The following PLXNA4 variants were observed in gnomAD, a reference collection of about 807,000 sequenced individuals.
PLXNA4 encodes the protein plexin A4.
PLXNA4 carries 44 observed loss-of-function variants against 191.8 expected under a neutral mutation model. The ratio of observed to expected loss-of-function variants is 0.23; its 90% CI spans 0.18 to 0.29. The LOEUF is 0.29. PLXNA4 is among the 10% of genes least tolerant of loss of function. The pLI is 1.00. For missense variants in PLXNA4, 1,800 were observed against 2,488.8 expected (o/e 0.72, Z 5.89); for synonymous variants, 1,082 against 1,009.5 (o/e 1.07, Z -1.36).
At chr7:132,553,476 G>T (rs947005644) in intron 1 of PLXNA4, among the ~76,000 whole-genome samples, 3 of 152,060 alleles carry the variant, frequency 2.0e-5, no homozygotes, top group African/African-American at 7.2e-5. Flanking sequence ...GCAAAAGAGG[G>T]GCCAGAGACA....
intron 3 of PLXNA4, among the ~76,000 whole-genome samples, chr7:132,436,805 A>T (rs1173232059): frequency 6.6e-6 from 1 of 151,900 alleles, no homozygotes; most frequent in African/African-American, 2.4e-5. Flanking sequence ...ATGACCTATT[A>T]AAATCCCCAG....
chr7:132,417,673 G>A (rs1174828256), intron 3 of PLXNA4, among the ~76,000 whole-genome samples: 1 of 148,644 alleles, frequency 6.7e-6, no homozygotes, highest in East Asian at 2.0e-4. Context: ...GAGAGAAAAA[G>A]ACTGAAAAGG....
At chr7:132,287,235 C>T (rs1476944939) in intron 4 of PLXNA4, among the ~76,000 whole-genome samples, 7 of 152,106 alleles carry the variant, frequency 4.6e-5, no homozygotes, top group African/African-American at 1.2e-4. Flanking sequence ...GGGGTTTCAC[C>T]GTGTTGTCCA....
At chr7:132,509,610 T>A (rs1585247271) in intron 1 of PLXNA4, among the ~76,000 whole-genome samples, 1 of 152,184 alleles carries the variant, frequency 6.6e-6, no homozygotes, top group African/African-American at 2.4e-5. Flanking sequence ...AGGTTCGCAA[T>A]CTTAACTGCT....
upstream of PLXNA4, among the ~76,000 whole-genome samples, chr7:132,579,502 G>T (rs1029188272): frequency 6.6e-6 from 1 of 151,238 alleles, no homozygotes; most frequent in African/African-American, 2.4e-5. Flanking sequence ...TTTCCTGATG[G>T]ATGGACGGGA....
chr7:132,274,925 A>G (rs891016244), intron 4 of PLXNA4, among the ~76,000 whole-genome samples: 41 of 151,842 alleles, frequency 2.7e-4, no homozygotes, highest in Admixed American at 2.1e-3. Context: ...ATCATATCAA[A>G]TTGTCATGAT....
chr7:132,206,714 G>A (rs1211745835), intron 10 of PLXNA4, among the ~76,000 whole-genome samples: 1 of 152,130 alleles, frequency 6.6e-6, no homozygotes, highest in Non-Finnish European at 1.5e-5. Flanking sequence ...GGGCAGGGTA[G>A]GGGAAAGGGG....
At chr7:132,254,111 T>C (rs1799350190) in intron 4 of PLXNA4, among the ~76,000 whole-genome samples, 1 of 152,160 alleles carries the variant, frequency 6.6e-6, no homozygotes, top group African/African-American at 2.4e-5. Flanking sequence ...CATAACTAAC[T>C]ATCTTAAGGC....
At chr7:132,419,810 C>T (rs1455534261) in intron 3 of PLXNA4, among the ~76,000 whole-genome samples, 1 of 152,196 alleles carries the variant, frequency 6.6e-6, no homozygotes, top group Non-Finnish European at 1.5e-5. Flanking sequence ...ACAGCTGCCA[C>T]AGACAATACA....
At chr7:132,518,947 G>A (rs1409968278) in intron 1 of PLXNA4, among the ~76,000 whole-genome samples, 2 of 152,140 alleles carry the variant, frequency 1.3e-5, no homozygotes, top group Non-Finnish European at 2.9e-5. Context: ...AGTCGAGCAG[G>A]AGCTCCAGCC....
chr7:132,360,669 T>C (rs754111773), intron 3 of PLXNA4, among the ~76,000 whole-genome samples: 1 of 152,106 alleles, frequency 6.6e-6, no homozygotes, highest in African/African-American at 2.4e-5. Flanking sequence ...AAACCCCCCA[T>C]AGAGTTGTTG....
intron 5 of PLXNA4, 59 bp from the exon 6 acceptor site, chr7:132,228,528 G>T: frequency 1.9e-6 from 3 of 1,600,892 alleles, no homozygotes; most frequent in Non-Finnish European, 2.6e-6. Context: ...AGGGAGGGGC[G>T]GATGCTGAGG....
At chr7:132,527,267 C>A (rs1321031515) in intron 1 of PLXNA4, among the ~76,000 whole-genome samples, 3 of 152,046 alleles carry the variant, frequency 2.0e-5, no homozygotes, top group Admixed American at 2.0e-4. Flanking sequence ...TCCTCCATTG[C>A]CAAGTCTAGA....
At chr7:132,455,641 C>T (rs1392273254) in intron 3 of PLXNA4, among the ~76,000 whole-genome samples, 1 of 152,138 alleles carries the variant, frequency 6.6e-6, no homozygotes, top group Non-Finnish European at 1.5e-5. Flanking sequence ...TTGCATTCTC[C>T]ACACACACCC....
intron 4 of PLXNA4, among the ~76,000 whole-genome samples, chr7:132,254,692 A>G (rs1799371954): frequency 6.6e-6 from 1 of 152,164 alleles, no homozygotes; most frequent in Non-Finnish European, 1.5e-5. Context: ...TCCATCTGCC[A>G]GGAGCTGACC....
intron 4 of PLXNA4, among the ~76,000 whole-genome samples, chr7:132,292,130 G>A (rs1031716772): frequency 2.0e-5 from 3 of 152,196 alleles, no homozygotes; most frequent in Non-Finnish European, 4.4e-5. Flanking sequence ...GGGAGTCAAA[G>A]TTAGTTGATC....
At chr7:132,389,137 TGTAA>T (rs752451268) in intron 3 of PLXNA4, among the ~76,000 whole-genome samples, 17 of 151,684 alleles carry the variant, frequency 1.1e-4, no homozygotes, top group Non-Finnish European at 2.2e-4. Context: ...TGTAAATCTG[TGTAA>T]GTTCTTGTAG....
At chr7:132,366,335 C>A (rs920811980) in intron 3 of PLXNA4, among the ~76,000 whole-genome samples, 2 of 151,962 alleles carry the variant, frequency 1.3e-5, no homozygotes, top group Non-Finnish European at 2.9e-5. Context: ...ACCAGCCTGG[C>A]CAACATGGTG....
chr7:132,192,567 A>T (rs535514066), intron 14 of PLXNA4, among the ~76,000 whole-genome samples: 1 of 151,954 alleles, frequency 6.6e-6, no homozygotes, highest in East Asian at 1.9e-4. Flanking sequence ...AGAAGGAGGA[A>T]AGAGGGAGAC....
Sources: allele counts gnomAD v4.1 joint callset (sites outside exome capture counted in the v4.1 genomes callset), GRCh38; gene constraint gnomAD v4.1.1; transcripts MANE v1.5; gene names NCBI Gene and HGNC (gene_info 2026-07-23, HGNC 2026-07-21).